The following CLIC5 variants were observed in gnomAD, a reference collection of about 807,000 sequenced individuals.
CLIC5 encodes the protein chloride intracellular channel protein 5.
CLIC5 carries 20 observed loss-of-function variants against 24.7 expected under a neutral mutation model. That is an observed-to-expected ratio of 0.81 (90% CI 0.57 to 1.18). CLIC5 has a LOEUF of 1.18. Ranked by LOEUF, CLIC5 falls within the 50% of genes most tolerant of loss-of-function variation. CLIC5 has a pLI of 0.00. For synonymous variants in CLIC5, 159 were observed against 135.6 expected, an observed-to-expected ratio of 1.17 and a Z score of -1.20; for missense variants, 341 against 326.1, an observed-to-expected ratio of 1.05 and a Z score of -0.35.
rs1762932848 is a variant in CLIC5, at chr6:45,914,311, T to C, written c.505A>G (p.Lys169Glu). ...EIDANTCGED[K>E]GSRRKFLDGD... The stretch of plus-strand genomic sequence containing the variant: ...TCCAGGAACTTGCGCCGGGACCCCT[T>C]GTCTTCCCCACAAGTGTTGGCGTCA... The change falls in exon 5 of 6, where the codon AAG (lysine) becomes GAG (glutamate). Residue 169 changes from lysine to glutamate, a missense_variant. Coordinates refer to ENST00000339561, the MANE Select transcript of CLIC5 (RefSeq NM_016929.5). The C allele has an allele frequency of 1.2e-6, 2 of 1,607,096 alleles. No individual in the cohort carries two copies. The highest frequency in any genetic ancestry group is 1.3e-5 in the African/African-American group (1 of 74,874).
intron 1 of CLIC5, among the ~76,000 whole-genome samples, chr6:46,026,079 T>A (rs1027712715): frequency 5.3e-5 from 8 of 152,176 alleles, no homozygotes; most frequent in Non-Finnish European, 1.2e-4. Flanking sequence ...TATTTCACTG[T>A]TTCTCCCTGG....
rs200432038 is a variant in CLIC5 at position 45,928,795 on chromosome 6, T to TGTGG, written c.406+12751_406+12752insCCAC. ...GTGTGTGTGTGTGTGTGTGTGTGTG[T>TGTGG]AGAGAGAGAGAGATTGAGAAACGTA... On this transcript the variant is annotated intron_variant, in intron 4 of 5. Transcript: ENST00000339561. Among the ~76,000 whole-genome samples the TGTGG allele has an allele frequency of 1.5e-3, 218 of 148,486 alleles. 2 individuals are homozygous for TGTGG. Among genetic ancestry groups the TGTGG allele is most frequent in the South Asian group, 7.9e-3 (37 of 4,710 alleles).
At chr6:46,104,423 G>C in the CLIC5 span, among the ~76,000 whole-genome samples, 1 of 152,028 alleles carries the variant, frequency 6.6e-6, no homozygotes, top group South Asian at 2.1e-4. Flanking sequence ...GTTCTCAGGC[G>C]AGTTTGTCTT....
intron 1 of CLIC5, among the ~76,000 whole-genome samples, chr6:46,065,666 G>A (rs536255396): frequency 2.0e-5 from 3 of 152,274 alleles, no homozygotes; most frequent in Admixed American, 6.5e-5. Context: ...ACACACAAAA[G>A]ATTACACAGA....
intron 1 of CLIC5, among the ~76,000 whole-genome samples, chr6:46,036,984 A>G (rs989947436): frequency 2.6e-5 from 4 of 152,220 alleles, no homozygotes; most frequent in Non-Finnish European, 4.4e-5. Flanking sequence ...CTTCCAGAAG[A>G]ACAAGCAAGA....
Position 45,913,313 on chromosome 6 carries a change from G to T in CLIC5, c.588+915C>A, listed in dbSNP as rs558642748. 5.9e-4 allele frequency among the ~76,000 whole-genome samples: 90 copies of T among 152,288 alleles called. 1 individual carries two copies. Among genetic ancestry groups the T allele is most frequent in the Admixed American group, 1.7e-3 (26 of 15,302 alleles). On this transcript the variant is annotated intron_variant, in intron 5 of 5. Coordinates refer to ENST00000339561, the MANE Select transcript of CLIC5 (RefSeq NM_016929.5). ...GGCTGACGAGGGTCAGGAAAGAATGGGGGAAGAAGTGCTCATTGACAGAGC... is the reference window on the plus strand; with the variant it reads ...GGCTGACGAGGGTCAGGAAAGAATGTGGGAAGAAGTGCTCATTGACAGAGC...
intron 2 of CLIC5, among the ~76,000 whole-genome samples, chr6:45,954,112 A>G (rs1355937335): frequency 6.6e-6 from 1 of 151,924 alleles, no homozygotes; most frequent in Non-Finnish European, 1.5e-5. Context: ...CGTCTCTACT[A>G]AAAATACAAA....
At chr6:46,032,084 G>T (rs1355116613) in intron 1 of CLIC5, among the ~76,000 whole-genome samples, 1 of 151,992 alleles carries the variant, frequency 6.6e-6, no homozygotes, top group African/African-American at 2.4e-5. Context: ...AATTTACAAA[G>T]AAAAGAGATT....
intron 1 of CLIC5, among the ~76,000 whole-genome samples, chr6:46,070,611 C>A (rs112730296): frequency 0.074 from 11,284 of 151,906 alleles, 441 homozygotes; most frequent in Middle Eastern, 0.13. Flanking sequence ...TGCTTGTGTA[C>A]AAGGAGAATC....
intron 2 of CLIC5, 128 bp from the exon 3 acceptor site, chr6:45,949,509 G>GTTTCA: frequency 9.5e-7 from 1 of 1,056,892 alleles, no homozygotes; most frequent in Non-Finnish European, 1.4e-6. Flanking sequence ...ACAGATTTAT[G>GTTTCA]GTATGCAGTA....
At chr6:45,982,414 T>G (rs1191216800) in intron 1 of CLIC5, among the ~76,000 whole-genome samples, 2 of 152,170 alleles carry the variant, frequency 1.3e-5, no homozygotes, top group Admixed American at 6.5e-5. Flanking sequence ...GGATGCATTC[T>G]GAGAAAGGGA....
chr6:46,010,811 A>G (rs1766781846), intron 1 of CLIC5, among the ~76,000 whole-genome samples: 1 of 152,234 alleles, frequency 6.6e-6, no homozygotes, highest in Non-Finnish European at 1.5e-5. Flanking sequence ...AAATTTGTGT[A>G]TTGCGTTATT....
Position 46,033,386 on chromosome 6 carries a change from T to C in CLIC5, c.540+46317A>G, listed in dbSNP as rs9463171. Among the ~76,000 whole-genome samples the C allele has an allele frequency of 2.9e-3, 443 of 152,306 alleles. 4 individuals carry two copies. The highest frequency in any genetic ancestry group is 0.01 in the African/African-American group (424 of 41,574). On this transcript the variant is annotated intron_variant, in intron 1 of 5. Transcript: ENST00000185206. ...GTATTTGTAAAAATGGTTTCCTGTG[T>C]CAGGCATTTGGGCAGTCAGAGCTGA...
At chr6:45,976,081 G>A (rs1765375591) in intron 1 of CLIC5, among the ~76,000 whole-genome samples, 1 of 152,170 alleles carries the variant, frequency 6.6e-6, no homozygotes, top group Non-Finnish European at 1.5e-5. Context: ...CACAAAGAGT[G>A]ACAGCAAGGG....
At chr6:45,975,975 C>T (rs543154261) in intron 1 of CLIC5, among the ~76,000 whole-genome samples, 126 of 152,240 alleles carry the variant, frequency 8.3e-4, no homozygotes, top group Admixed American at 1.6e-3. Flanking sequence ...AAAAAACCAC[C>T]AGACTGGGAA....
chr6:46,072,287 G>A (rs1762629533), intron 1 of CLIC5, among the ~76,000 whole-genome samples: 1 of 151,932 alleles, frequency 6.6e-6, no homozygotes, highest in Non-Finnish European at 1.5e-5. Flanking sequence ...GCTAGGTGGG[G>A]GGAGGGGGGA....
chr6:46,061,109 T>C (rs1010534294), intron 1 of CLIC5, among the ~76,000 whole-genome samples: 1 of 152,234 alleles, frequency 6.6e-6, no homozygotes, highest in African/African-American at 2.4e-5. Flanking sequence ...AAAATTTTTA[T>C]TATGGAATAA....
chr6:46,118,817 C>G, the CLIC5 span, among the ~76,000 whole-genome samples: 1 of 152,130 alleles, frequency 6.6e-6, no homozygotes, highest in Non-Finnish European at 1.5e-5. Flanking sequence ...CATCCTAATC[C>G]CCAGATTGTA....
At chr6:45,976,191 A>T (rs1176127049) in intron 1 of CLIC5, among the ~76,000 whole-genome samples, 2 of 152,248 alleles carry the variant, frequency 1.3e-5, no homozygotes, top group Non-Finnish European at 2.9e-5. Flanking sequence ...TAATTATATT[A>T]CGTATACGGC....
Sources: allele counts gnomAD v4.1 joint callset (sites outside exome capture counted in the v4.1 genomes callset), GRCh38; gene constraint gnomAD v4.1.1; transcripts MANE v1.5; gene names NCBI Gene and HGNC (gene_info 2026-07-23, HGNC 2026-07-21).